The following MAF variants were observed in gnomAD, a reference collection of about 807,000 sequenced individuals.
The protein encoded by MAF is MAF bZIP transcription factor.
MAF carries 10 observed loss-of-function variants against 22.0 expected under a neutral mutation model. That is an observed-to-expected ratio of 0.45 (90% CI 0.28 to 0.77). The LOEUF (loss-of-function observed/expected upper bound fraction) is 0.77. MAF is among the 30% of genes least tolerant of loss of function. The pLI is 0.12. For synonymous variants in MAF, 337 were observed against 255.8 expected, an observed-to-expected ratio of 1.32 and a Z score of -3.03; for missense variants, 544 against 548.4, an observed-to-expected ratio of 0.99 and a Z score of 0.08.
At chr16:79,272,258 A>G in the MAF span, among the ~76,000 whole-genome samples, 1 of 152,356 alleles carries the variant, frequency 6.6e-6, no homozygotes, top group East Asian at 1.9e-4. Flanking sequence ...TCTCTACAGC[A>G]AACACCAGGC....
chr16:79,431,987 C>A, the MAF span, among the ~76,000 whole-genome samples: 1 of 152,008 alleles, frequency 6.6e-6, no homozygotes, highest in Non-Finnish European at 1.5e-5. Context: ...CCCTAGATGC[C>A]TAAAACCACG....
the MAF span, among the ~76,000 whole-genome samples, chr16:79,367,157 A>G: frequency 6.6e-6 from 1 of 152,180 alleles, no homozygotes; most frequent in Non-Finnish European, 1.5e-5. Context: ...CGTACTTTGA[A>G]TCAAGTTTTT....
At chr16:79,546,551 T>C in the MAF span, among the ~76,000 whole-genome samples, 1 of 152,192 alleles carries the variant, frequency 6.6e-6, no homozygotes, top group Non-Finnish European at 1.5e-5. Context: ...TATAAGATTA[T>C]TATGGGGTTA....
At chr16:79,260,154 G>C in the MAF span, among the ~76,000 whole-genome samples, 8 of 152,222 alleles carry the variant, frequency 5.3e-5, no homozygotes, top group East Asian at 1.4e-3. Context: ...ATTTTGTTTG[G>C]TGTTTGTTTA....
At chr16:79,538,453 TGAAGAAAGTATGGGG>T in the MAF span, among the ~76,000 whole-genome samples, 1 of 152,100 alleles carries the variant, frequency 6.6e-6, no homozygotes, top group African/African-American at 2.4e-5. Context: ...ACCATAAAAA[TGAAGAAAGTATGGGG>T]GAAGAATTAA....
the MAF span, among the ~76,000 whole-genome samples, chr16:79,495,978 A>T: frequency 1.3e-5 from 2 of 152,186 alleles, no homozygotes; most frequent in South Asian, 4.1e-4. Flanking sequence ...TGTTTTCTAA[A>T]ATGACTCCAG....
chr16:79,268,111 A>G, the MAF span, among the ~76,000 whole-genome samples: 2 of 152,004 alleles, frequency 1.3e-5, no homozygotes, highest in African/African-American at 4.8e-5. Flanking sequence ...ATCCCAAGAA[A>G]AACAACATGG....
the MAF span, chr16:79,212,402 C>T: frequency 7.0e-6 from 3 of 430,172 alleles, no homozygotes; most frequent in Non-Finnish European, 1.2e-5. Flanking sequence ...AAGTACTTGT[C>T]ATAGACTCCT....
the MAF span, among the ~76,000 whole-genome samples, chr16:79,489,312 T>G: frequency 6.6e-6 from 1 of 152,188 alleles, no homozygotes; most frequent in African/African-American, 2.4e-5. Flanking sequence ...TATCCATCCA[T>G]TTATTCATTC....
At chr16:79,425,116 TATTA>T in the MAF span, among the ~76,000 whole-genome samples, 12 of 152,342 alleles carry the variant, frequency 7.9e-5, no homozygotes, top group Middle Eastern at 3.4e-3. Flanking sequence ...CTTTTCATCG[TATTA>T]ATTATTCTGT....
chr16:79,401,879 G>A, the MAF span, among the ~76,000 whole-genome samples: 1 of 152,198 alleles, frequency 6.6e-6, no homozygotes, highest in Admixed American at 6.5e-5. Context: ...GTGGTTGGCT[G>A]CCCTGGCTCC....
the MAF span, among the ~76,000 whole-genome samples, chr16:79,343,246 C>A: frequency 0.012 from 1,762 of 151,986 alleles, 19 homozygotes; most frequent in African/African-American, 0.04. Context: ...CAACCCCCCC[C>A]CAAAAAAATC....
Position 79,600,695 on chromosome 16 carries a change from G to A in MAF, c.-793C>T, listed in dbSNP as rs1913996947. ...AAGCCGACAAGCAGCCCGAGCTACA[G>A]CTAGAAGATGAAAAAAGATTTTAAA... On this transcript the variant is annotated 5_prime_UTR_variant, in exon 1 of 2. Coordinates refer to ENST00000326043, the MANE Select transcript of MAF (RefSeq NM_005360.5). The A allele has an allele frequency of 5.1e-6, 1 of 195,686 alleles. No homozygotes were observed. Among genetic ancestry groups the A allele is most frequent in the Non-Finnish European group, 1.2e-5 (1 of 84,780 alleles). 12.1% of individuals were successfully genotyped at this position (195,686 alleles called of 1,614,324 possible).
At chr16:79,357,141 A>G in the MAF span, among the ~76,000 whole-genome samples, 1 of 152,152 alleles carries the variant, frequency 6.6e-6, no homozygotes, top group Admixed American at 6.5e-5. Flanking sequence ...CTACAGTCCC[A>G]GCTATTTGGG....
the MAF span, among the ~76,000 whole-genome samples, chr16:79,412,327 A>G: frequency 2.6e-5 from 4 of 152,184 alleles, no homozygotes; most frequent in African/African-American, 7.2e-5. Flanking sequence ...CAGGTGGCAG[A>G]TAAGCCACCA....
At chr16:79,244,274 T>C in the MAF span, among the ~76,000 whole-genome samples, 2 of 152,044 alleles carry the variant, frequency 1.3e-5, no homozygotes, top group Admixed American at 6.6e-5. Context: ...GGGAGTCAAA[T>C]TGTCTCTGTT....
chr16:79,470,363 C>CA, the MAF span, among the ~76,000 whole-genome samples: 1 of 152,100 alleles, frequency 6.6e-6, no homozygotes, highest in Non-Finnish European at 1.5e-5. Flanking sequence ...CTGAGCCCCC[C>CA]CAGGGGCTCA....
At chr16:79,274,894 A>G in the MAF span, among the ~76,000 whole-genome samples, 7 of 152,206 alleles carry the variant, frequency 4.6e-5, no homozygotes, top group African/African-American at 7.2e-5. Context: ...TTAGGATTCA[A>G]TTCAAGTTCA....
the MAF span, among the ~76,000 whole-genome samples, chr16:79,314,578 A>G: frequency 6.6e-6 from 1 of 152,084 alleles, no homozygotes; most frequent in Non-Finnish European, 1.5e-5. Flanking sequence ...AGGTCCCTAC[A>G]TTTTCCCAGT....
Sources: gnomAD v4.1 joint callset for allele counts (sites outside exome capture counted in the v4.1 genomes callset) on GRCh38, gnomAD v4.1.1 for gene constraint, MANE v1.5 for transcripts, NCBI Gene and HGNC (gene_info 2026-07-23, HGNC 2026-07-21) for gene names.